Variants in GAD1 observed in about 807,000 individuals in gnomAD.
GAD1 encodes the protein glutamate decarboxylase 1, also known as 67 kDa glutamic acid decarboxylase.
A neutral mutation model predicts 75.2 loss-of-function variants in GAD1; 35 were observed. The observed-to-expected ratio is 0.47, with a 90% CI of 0.36 to 0.62. The LOEUF (loss-of-function observed/expected upper bound fraction) is 0.62. Among genes scored for constraint, GAD1 ranks in the 20% least tolerant of loss-of-function variants. The pLI is 0.00. For missense variants in GAD1, 490 were observed against 758.5 expected (o/e 0.65, Z 4.16); for synonymous variants, 257 against 271.9 (o/e 0.95, Z 0.54).
chr2:170,814,237 C>G (rs3762561), upstream of GAD1, among the ~76,000 whole-genome samples: 3,192 of 152,302 alleles, frequency 0.021, 232 homozygotes, highest in East Asian at 0.27. Flanking sequence ...CACCCCCCAA[C>G]TAGGCAAAAC....
intron 12 of GAD1, among the ~76,000 whole-genome samples, chr2:170,849,862 G>A (rs937237916): frequency 3.3e-5 from 5 of 152,240 alleles, no homozygotes; most frequent in African/African-American, 1.2e-4. Flanking sequence ...AGGGCCACTG[G>A]TTCACTTTCC....
chr2:170,858,743 G>T (rs1702902541), intron 15 of GAD1, 61 bp from the exon 16 acceptor site: 1 of 1,501,902 alleles, frequency 6.7e-7, no homozygotes, highest in Non-Finnish European at 9.2e-7. Context: ...ATATTGGTTT[G>T]GGAACAGCTT....
chr2:170,828,428 A>C (rs1403912866), intron 3 of GAD1, among the ~76,000 whole-genome samples: 66 of 70,694 alleles, frequency 9.3e-4, no homozygotes, highest in Non-Finnish European at 9.7e-4. Flanking sequence ...TGCTGTCCTC[A>C]CCCCTCCTCT....
chr2:170,855,730 A>G (rs1216748498), intron 14 of GAD1, among the ~76,000 whole-genome samples: 1 of 151,698 alleles, frequency 6.6e-6, no homozygotes. Flanking sequence ...CAAGTTAGTC[A>G]GGTGTGATGA....
At chr2:170,829,079 C>T (rs1702149689) in intron 3 of GAD1, 2 of 327,020 alleles carry the variant, frequency 6.1e-6, no homozygotes, top group Admixed American at 8.8e-5. Flanking sequence ...CTCTCCCCTC[C>T]TCCTTCTGCT....
chr2:170,849,144 G>C (rs1702698894), intron 11 of GAD1, 142 bp from the exon 12 acceptor site: 1 of 738,828 alleles, frequency 1.4e-6, no homozygotes, highest in African/African-American at 1.7e-5. Flanking sequence ...TGAACAATCA[G>C]TGTGGGCTGA....
chr2:170,854,017 G>T lies in GAD1; in HGVS notation c.1408G>T (p.Ala470Ser), dbSNP rs1702800741. ...DIFKFWLMWK[A>S]KGTVGFENQI... ...CTTCAAGTTCTGGCTGATGTGGAAA[G>T]CAAAGGTATGAAGGGAATAGTTCAG... Residue 470 changes from alanine (A) to serine (S), a missense_variant, in exon 14 of 17, where the codon GCA becomes TCA. Physicochemically the swap from Ala to Ser is moderately conservative, Grantham distance 99. Transcript: ENST00000358196. 6.2e-7 allele frequency: 1 copy of T among 1,614,172 alleles called. No individual in the cohort carries two copies. Among genetic ancestry groups the T allele is most frequent in the Non-Finnish European group, 8.5e-7 (1 of 1,180,040 alleles).
At position 170,817,037 on chromosome 2, in the gene GAD1, C is replaced by T; in HGVS notation, c.-75C>T. The T allele has an allele frequency of 5.8e-6, 1 of 171,392 alleles. No homozygotes were observed. The highest frequency in any genetic ancestry group is 6.4e-5 in the Admixed American group (1 of 15,704). 10.6% of individuals were successfully genotyped at this position (171,392 alleles called of 1,614,324 possible). On this transcript the variant is annotated 5_prime_UTR_variant, in exon 1 of 17. Coordinates refer to ENST00000358196, the MANE Select transcript of GAD1 (RefSeq NM_000817.3). ...AAGGCGGGAGTGCCCGGCTCGCTGT[C>T]GCAGAGCCGAGGTGGGTAAGCTAGC...
chr2:170,844,262 C>T (rs1189287051), intron 7 of GAD1, 105 bp downstream of exon 7: 1 of 727,334 alleles, frequency 1.4e-6, no homozygotes, highest in African/African-American at 1.8e-5. Flanking sequence ...TTTTTGGATA[C>T]CCTGACTTCC....
chr2:170,834,119 G>C (rs912422777), intron 5 of GAD1, among the ~76,000 whole-genome samples: 1 of 152,176 alleles, frequency 6.6e-6, no homozygotes, highest in Admixed American at 6.5e-5. Flanking sequence ...TTGCTTCTTG[G>C]GGCAGATATT....
At chr2:170,824,159 C>T (rs2105762003) in intron 3 of GAD1, among the ~76,000 whole-genome samples, 1 of 152,344 alleles carries the variant, frequency 6.6e-6, no homozygotes, top group Middle Eastern at 3.4e-3. Context: ...CTCCCCACAA[C>T]CCATGGTAGT....
chr2:170,848,012 T>C (rs1425586884), intron 11 of GAD1, among the ~76,000 whole-genome samples: 11 of 152,220 alleles, frequency 7.2e-5, no homozygotes, highest in Admixed American at 7.2e-4. Context: ...TCGATTGCTG[T>C]CTTCTGTGGT....
At chr2:170,855,209 CTTTT>C (rs536241751) in intron 14 of GAD1, among the ~76,000 whole-genome samples, 4 of 129,278 alleles carry the variant, frequency 3.1e-5, no homozygotes, top group Non-Finnish European at 3.3e-5. Context: ...GTCATTTTGT[CTTTT>C]TTTTTTTTTT....
intron 2 of GAD1, 38 bp from the exon 3 acceptor site, chr2:170,822,049 C>T (rs1377733096): frequency 5.1e-6 from 8 of 1,570,666 alleles, no homozygotes; most frequent in African/African-American, 1.3e-5. Context: ...CGGTCGGAAC[C>T]TCCCTAACCG....
rs978527368 is a variant in GAD1 at position 170,823,273 on chromosome 2, C to T, written c.145+1124C>T. 9.8e-5 allele frequency among the ~76,000 whole-genome samples: 15 copies of T among 152,344 alleles called. No homozygotes were observed. In the East Asian group the frequency reaches 2.7e-3, roughly 27 times the overall value. ...CCCCGGAGCGCCGAGAGCCGCCCGC[C>T]GCCTGGGTGCTCTCTGCACCTGATC... is the stretch of plus-strand genomic sequence containing the variant. On this transcript the variant is annotated intron_variant, in intron 3 of 16. Coordinates refer to ENST00000358196, the MANE Select transcript of GAD1 (RefSeq NM_000817.3).
Position 170,822,110 on chromosome 2 carries a change from G to A in GAD1, c.106G>A (p.Ala36Thr), listed in dbSNP as rs767875112. The change falls in exon 3 of 17, where the codon GCC (alanine) becomes ACC (threonine). Residue 36 changes from alanine to threonine, a missense_variant. Ala to Thr is a moderately conservative substitution (Grantham distance 58). This residue lies in a region of GAD1 where 165 missense variants were observed against 216.4 expected (regional missense o/e 0.76). Coordinates refer to ENST00000358196, the MANE Select transcript of GAD1 (RefSeq NM_000817.3). Reference sequence around the variant, plus strand: ...AGCGTACGATACCTGGTGCGGCGTGGCCCATGGATGCACCAGAAAACTGGG... The same window carrying A: ...AGCGTACGATACCTGGTGCGGCGTGACCCATGGATGCACCAGAAAACTGGG... ...PTTYDTWCGVAHGCTRKLGLK... is the reference protein window; with the variant it reads ...PTTYDTWCGVTHGCTRKLGLK... 5 of 1,611,788 alleles carry A rather than the reference G, an allele frequency of 3.1e-6. No individual in the cohort carries two copies. In the South Asian group the frequency reaches 5.5e-5, roughly 18 times the overall value.
At chr2:170,822,039 C>CT in intron 2 of GAD1, 48 bp from the exon 3 acceptor site, 1 of 1,492,910 alleles carries the variant, frequency 6.7e-7, no homozygotes, top group Non-Finnish European at 9.2e-7. Flanking sequence ...CATTTCCCCG[C>CT]GGTCGGAACC....
chr2:170,832,758 AT>A (rs1033064605), intron 5 of GAD1, among the ~76,000 whole-genome samples: 1 of 152,030 alleles, frequency 6.6e-6, no homozygotes, highest in Non-Finnish European at 1.5e-5. Context: ...GAGTCACCAA[AT>A]TCTATTTCCA....
chr2:170,847,818 T>A (rs753269665), intron 11 of GAD1, 26 bp downstream of exon 11: 8 of 1,491,414 alleles, frequency 5.4e-6, no homozygotes, highest in Non-Finnish European at 7.5e-6. Flanking sequence ...CTCAGGCCAG[T>A]CCATGTGGGG....
Sources: gnomAD v4.1 joint callset for allele counts (sites outside exome capture counted in the v4.1 genomes callset) on GRCh38, gnomAD v4.1.1 for gene constraint, gnomAD v4.1.1 regional missense constraint, MANE v1.5 for transcripts, NCBI Gene and HGNC (gene_info 2026-07-23, HGNC 2026-07-21) for gene names.